Variants in ENOX1 observed in about 807,000 individuals in gnomAD.
ENOX1 encodes the protein candidate growth-related and time keeping constitutive hydroquinone (NADH) oxidase.
ENOX1 carries 42 observed loss-of-function variants against 82.5 expected under a neutral mutation model. The ratio of observed to expected loss-of-function variants is 0.51; its 90% CI spans 0.40 to 0.66. ENOX1 has a LOEUF of 0.66. Among genes scored for constraint, ENOX1 ranks in the 30% least tolerant of loss-of-function variants. ENOX1 has a pLI of 0.00. For missense variants in ENOX1, 608 were observed against 811.6 expected, an observed-to-expected ratio of 0.75 and a Z score of 3.05; for synonymous variants, 271 against 282.2, an observed-to-expected ratio of 0.96 and a Z score of 0.40.
chr13:43,569,314 T>C (rs544854570), intron 2 of ENOX1, among the ~76,000 whole-genome samples: 2 of 152,204 alleles, frequency 1.3e-5, no homozygotes, highest in South Asian at 2.1e-4. Context: ...GGCAGACAGA[T>C]AGATAGATAA....
intron 2 of ENOX1, among the ~76,000 whole-genome samples, chr13:43,564,532 G>C (rs1372341658): frequency 6.6e-6 from 1 of 152,080 alleles, no homozygotes. Flanking sequence ...TCTAAAAGAG[G>C]AGAAGAGCCT....
intron 11 of ENOX1, among the ~76,000 whole-genome samples, chr13:43,310,246 C>T (rs1298601372): frequency 6.9e-6 from 1 of 145,034 alleles, no homozygotes; most frequent in African/African-American, 2.5e-5. Flanking sequence ...TGCTGAGGTG[C>T]CAGTTAAGCA....
At chr13:43,597,936 G>C (rs564419802) in intron 2 of ENOX1, among the ~76,000 whole-genome samples, 16 of 152,244 alleles carry the variant, frequency 1.1e-4, no homozygotes, top group African/African-American at 3.6e-4. Flanking sequence ...AATGGTACCA[G>C]CTTAGCAAGG....
At chr13:43,708,490 C>A (rs141691031) in intron 1 of ENOX1, among the ~76,000 whole-genome samples, 47 of 152,268 alleles carry the variant, frequency 3.1e-4, no homozygotes, top group African/African-American at 1.0e-3. Flanking sequence ...GACTCCTATT[C>A]TAAAACTTGC....
rs1459130251 is a variant in ENOX1, at chr13:43,295,538, G to A, written c.1446+2808C>T. Among the ~76,000 whole-genome samples, 34 of 152,158 alleles carry A rather than the reference G, an allele frequency of 2.2e-4. 1 individual carries two copies. The highest frequency in any genetic ancestry group is 2.2e-3 in the Admixed American group (33 of 15,280). On this transcript the variant is annotated intron_variant, in intron 12 of 16. Coordinates refer to ENST00000690772, the MANE Select transcript of ENOX1 (RefSeq NM_001347969.2). ...TAGAAAATTTTTGGCTAAACTGAAG[G>A]CGATTCCAAAAGCTGTCTGCTAGTC...
At chr13:43,566,267 A>G (rs1349256642) in intron 2 of ENOX1, among the ~76,000 whole-genome samples, 1 of 152,134 alleles carries the variant, frequency 6.6e-6, no homozygotes, top group Non-Finnish European at 1.5e-5. Context: ...TCTTGCAATA[A>G]TAAGACTACA....
chr13:43,780,210 C>T (rs1234694923), intron 1 of ENOX1, among the ~76,000 whole-genome samples: 3 of 149,130 alleles, frequency 2.0e-5, no homozygotes, highest in Non-Finnish European at 3.0e-5. Flanking sequence ...AAGCCAAATA[C>T]AGTACCATTT....
At chr13:43,617,922 C>G (rs2153744164) in intron 2 of ENOX1, among the ~76,000 whole-genome samples, 1 of 151,926 alleles carries the variant, frequency 6.6e-6, no homozygotes, top group South Asian at 2.1e-4. Flanking sequence ...GTTGTTATGG[C>G]CATTCTTGCA....
chr13:43,769,133 G>A (rs1292851844), intron 1 of ENOX1, among the ~76,000 whole-genome samples: 1 of 152,070 alleles, frequency 6.6e-6, no homozygotes, highest in African/African-American at 2.4e-5. Context: ...CTATGTTTTG[G>A]CTTCCTCTTA....
intron 16 of ENOX1, among the ~76,000 whole-genome samples, chr13:43,217,898 C>G (rs576272683): frequency 1.8e-4 from 28 of 152,286 alleles, no homozygotes; most frequent in Admixed American, 5.2e-4. Flanking sequence ...TGTGATAGGT[C>G]TTTTGCGCAC....
chr13:43,318,201 A>G lies in ENOX1; in HGVS notation c.1261+4183T>C, dbSNP rs895224945. Reference sequence around the variant, plus strand: ...ATAATGATTGTCTACTGAGCAAGGGACTTTTTAGTTTTACTCTTCTAACAT... The same window carrying G: ...ATAATGATTGTCTACTGAGCAAGGGGCTTTTTAGTTTTACTCTTCTAACAT... On this transcript the variant is annotated intron_variant, in intron 11 of 16. Transcript: ENST00000690772. Among the ~76,000 whole-genome samples, 3 of 152,152 alleles carry G rather than the reference A, an allele frequency of 2.0e-5. No individual in the cohort carries two copies. In the East Asian group the frequency reaches 5.8e-4, roughly 29 times the overall value.
intron 14 of ENOX1, among the ~76,000 whole-genome samples, chr13:43,239,635 T>A (rs891525997): frequency 7.2e-5 from 11 of 152,232 alleles, no homozygotes; most frequent in Non-Finnish European, 1.5e-4. Flanking sequence ...AAGCTCCAGA[T>A]GCTAAGCCTG....
At chr13:43,502,433 GT>G (rs1320085376) in intron 2 of ENOX1, among the ~76,000 whole-genome samples, 75 of 151,730 alleles carry the variant, frequency 4.9e-4, no homozygotes, top group African/African-American at 1.8e-3. Flanking sequence ...CAATATCTCT[GT>G]TGAACATTAA....
intron 11 of ENOX1, among the ~76,000 whole-genome samples, chr13:43,307,803 C>A (rs763743841): frequency 2.0e-5 from 3 of 152,254 alleles, no homozygotes; most frequent in Non-Finnish European, 4.4e-5. Context: ...TTGTGCATTA[C>A]TTTTCTTTGC....
chr13:43,267,326 T>C (rs1375352325), intron 13 of ENOX1, among the ~76,000 whole-genome samples: 1 of 152,174 alleles, frequency 6.6e-6, no homozygotes, highest in African/African-American at 2.4e-5. Flanking sequence ...CAGGAGTCAG[T>C]GGGGCCTGGA....
chr13:43,699,909 A>C (rs1278707354), intron 1 of ENOX1, among the ~76,000 whole-genome samples: 1 of 152,170 alleles, frequency 6.6e-6, no homozygotes, highest in African/African-American at 2.4e-5. Context: ...CATCAGGATA[A>C]CTGAGATATC....
At chr13:43,691,230 ATAAG>A (rs1365522045) in intron 1 of ENOX1, among the ~76,000 whole-genome samples, 4 of 152,066 alleles carry the variant, frequency 2.6e-5, no homozygotes, top group South Asian at 2.1e-4. Flanking sequence ...ATCATTTTTC[ATAAG>A]TAAGTACCAA....
At chr13:43,286,824 C>CTTGCTT (rs2045725520) in intron 12 of ENOX1, among the ~76,000 whole-genome samples, 1 of 152,222 alleles carries the variant, frequency 6.6e-6, no homozygotes, top group Non-Finnish European at 1.5e-5. Flanking sequence ...GGTTCTTGCT[C>CTTGCTT]TGCTAATGCA....
At position 43,355,997 on chromosome 13, in the gene ENOX1, G is replaced by A. The variant is rs780939615; in HGVS notation, c.745C>T (p.Arg249Trp). 47 of 1,613,814 alleles carry A rather than the reference G, an allele frequency of 2.9e-5. No individual in the cohort carries two copies. Among genetic ancestry groups the A allele is most frequent in the Non-Finnish European group, 3.5e-5 (41 of 1,180,042 alleles). ...ERHRRKLEED[R>W]LRPPSPPAIM... The stretch of plus-strand genomic sequence containing the variant: ...GCAGGCGGGGATGGGGGCCTGAGCC[G>A]GTCCTCCTCCAGCTTGCGCCGGTGC... The change falls in exon 8 of 17, where the codon CGG becomes TGG. Residue 249 changes from arginine to tryptophan, a missense_variant. By Grantham distance (101) the Arg-to-Trp change is moderately radical. Coordinates refer to ENST00000690772, the MANE Select transcript of ENOX1 (RefSeq NM_001347969.2).
Sources: allele counts gnomAD v4.1 joint callset (sites outside exome capture counted in the v4.1 genomes callset), GRCh38; gene constraint gnomAD v4.1.1; transcripts MANE v1.5; gene names NCBI Gene and HGNC (gene_info 2026-07-23, HGNC 2026-07-21).